PKD1L1: variants seen among roughly 807,000 people sequenced by gnomAD.
The protein encoded by PKD1L1 is polycystin 1 like 1, transient receptor potential channel interacting.
Under a neutral mutation model 323.4 loss-of-function variants are expected in PKD1L1, and 236 were observed. That is an observed-to-expected ratio of 0.73 (90% CI 0.66 to 0.81). The LOEUF (loss-of-function observed/expected upper bound fraction) is 0.81, where lower values mean the gene tolerates loss of function less well. PKD1L1 is among the 40% of genes least tolerant of loss of function. The pLI, the probability that PKD1L1 is intolerant of heterozygous loss-of-function variation, is 0.00. For missense variants in PKD1L1, 3,320 were observed against 3,508.0 expected, an observed-to-expected ratio of 0.95 and a Z score of 1.35; for synonymous variants, 1,344 against 1,335.0, an observed-to-expected ratio of 1.01 and a Z score of -0.15.
intron 56 of PKD1L1, among the ~76,000 whole-genome samples, chr7:47,777,096 T>C (rs1271423939): frequency 2.0e-5 from 3 of 152,206 alleles, no homozygotes; most frequent in African/African-American, 7.2e-5. Flanking sequence ...TTTGCCATGT[T>C]GGCCAGGCCG....
In PKD1L1 at chr7:47,929,329, A is replaced by G; in HGVS notation, c.935T>C (p.Val312Ala). 2 of 1,614,184 alleles carry G rather than the reference A, an allele frequency of 1.2e-6. No individual in the cohort carries two copies. Among genetic ancestry groups the G allele is most frequent in the Non-Finnish European group, 1.7e-6 (2 of 1,180,040 alleles). Residue 312 changes from valine (V) to alanine (A), a missense_variant, in exon 7 of 57, where the codon GTT becomes GCT. Physicochemically the swap from Val to Ala is moderately conservative, Grantham distance 64 (BLOSUM62 0). Coordinates refer to ENST00000289672, the MANE Select transcript of PKD1L1 (RefSeq NM_138295.5). Reference sequence around the variant, plus strand: ...GAGAGCCTCTCCAGAAGCCATATGAACACGGAATCCCAGATTTGGAGGTGC... The same window carrying G: ...GAGAGCCTCTCCAGAAGCCATATGAGCACGGAATCCCAGATTTGGAGGTGC... ...ARAPPNLGFRVHMASGEALCL... is the reference protein window; with the variant it reads ...ARAPPNLGFRAHMASGEALCL...
intron 2 of PKD1L1, among the ~76,000 whole-genome samples, chr7:47,942,504 T>C (rs1431724416): frequency 6.6e-6 from 1 of 152,104 alleles, no homozygotes; most frequent in Non-Finnish European, 1.5e-5. Flanking sequence ...TTTTTAAATT[T>C]AATTTTAAAA....
In PKD1L1 at chr7:47,843,187, GAT is replaced by G. The variant is rs1785598110; in HGVS notation, c.5238-20_5238-19del. On this transcript the variant is annotated intron_variant, in intron 33 of 56. Transcript: ENST00000289672. ...CTGGGTGGCTATAAACAAAAGGAGA[GAT>G]ATAAAGAAAATTGCTCATGAAAATA... 6.4e-7 allele frequency: 1 copy of G among 1,573,834 alleles called. No homozygotes were observed. The highest frequency in any genetic ancestry group is 1.4e-5 in the African/African-American group (1 of 73,038).
upstream of PKD1L1, among the ~76,000 whole-genome samples, chr7:47,950,703 T>C (rs896779258): frequency 6.8e-6 from 1 of 146,670 alleles, no homozygotes; most frequent in African/African-American, 2.6e-5. Context: ...AGCGAAACTC[T>C]TGTCTCAAAA....
At position 47,929,332 on chromosome 7, in the gene PKD1L1, C is replaced by T. The variant is rs571084843; in HGVS notation, c.932G>A (p.Arg311His). 78 of 1,614,148 alleles carry T rather than the reference C, an allele frequency of 4.8e-5. No individual in the cohort carries two copies. The highest frequency in any genetic ancestry group is 2.2e-4 in the South Asian group (20 of 91,076). Residue 311 changes from arginine (R) to histidine (H), a missense_variant, in exon 7 of 57, where the codon CGT becomes CAT. Transcript: ENST00000289672. ...AGCCTCTCCAGAAGCCATATGAACA[C>T]GGAATCCCAGATTTGGAGGTGCCCG... The part of the protein sequence containing the change: ...EARAPPNLGF[R>H]VHMASGEALC...
chr7:47,850,714 C>T (rs1043630546), intron 31 of PKD1L1, among the ~76,000 whole-genome samples: 28 of 146,258 alleles, frequency 1.9e-4, no homozygotes, highest in African/African-American at 6.9e-4. Flanking sequence ...GTATATAAAA[C>T]GTATAGCAAA....
intron 14 of PKD1L1, among the ~76,000 whole-genome samples, chr7:47,896,573 A>G (rs1185104944): frequency 6.6e-6 from 1 of 151,944 alleles, no homozygotes; most frequent in African/African-American, 2.4e-5. Flanking sequence ...TTTTTAGTTT[A>G]CAGGCTCTAT....
chr7:47,842,849 G>C lies in PKD1L1; in HGVS notation c.5445+113C>G, dbSNP rs925255282. On this transcript the variant is annotated intron_variant, in intron 34 of 56. Transcript: ENST00000289672. Reference sequence around the variant, plus strand: ...CGGGCAAGCTTTGCCTCAGCAATGAGATGAGGCTGCTGTGACAGGTGACAG... The same window carrying C: ...CGGGCAAGCTTTGCCTCAGCAATGACATGAGGCTGCTGTGACAGGTGACAG... 9.9e-6 allele frequency: 10 copies of C among 1,011,480 alleles called. 1 individual carries two copies. In the African/African-American group the frequency reaches 1.5e-4, roughly 15 times the overall value. 62.7% of individuals were successfully genotyped at this position (1,011,480 alleles called of 1,614,324 possible).
intron 51 of PKD1L1, 127 bp from the exon 52 acceptor site, chr7:47,808,514 G>T: frequency 8.8e-7 from 1 of 1,138,314 alleles, no homozygotes; most frequent in Non-Finnish European, 1.3e-6. Context: ...TCTGAGAAAT[G>T]CATCGCTGGG....
In PKD1L1 at chr7:47,800,866, A is replaced by T; in HGVS notation, c.7976T>A (p.Leu2659Gln). 6.2e-7 allele frequency: 1 copy of T among 1,613,986 alleles called. No homozygotes were observed. Among genetic ancestry groups the T allele is most frequent in the Non-Finnish European group, 8.5e-7 (1 of 1,179,940 alleles). Reference sequence around the variant, plus strand: ...CAGGTGGGAGAGGGCGGCCAGCATCAGTGCCCCCACCAGCTGCAGAAAGAA... The same window carrying T: ...CAGGTGGGAGAGGGCGGCCAGCATCTGTGCCCCCACCAGCTGCAGAAAGAA... ...SIFVAGLVGA[L>Q]MLAALSHLHR... The change falls in exon 54 of 57, where the codon CTG becomes CAG. Residue 2659 changes from leucine (L) to glutamine (Q), a missense_variant. Physicochemically the swap from Leu to Gln is moderately radical, Grantham distance 113. Coordinates refer to ENST00000289672, the MANE Select transcript of PKD1L1 (RefSeq NM_138295.5).
At chr7:47,813,838 G>T in intron 48 of PKD1L1, 93 bp downstream of exon 48, 1 of 1,104,042 alleles carries the variant, frequency 9.1e-7, no homozygotes, top group Non-Finnish European at 1.4e-6. Flanking sequence ...TCACAGAGAA[G>T]TTCAAATGAT....
intron 28 of PKD1L1, among the ~76,000 whole-genome samples, chr7:47,855,579 G>A (rs1785880686): frequency 6.7e-6 from 1 of 150,256 alleles, no homozygotes; most frequent in South Asian, 2.1e-4. Context: ...GTATAGAAAA[G>A]TATATGCAAG....
Position 47,829,583 on chromosome 7 carries a change from C to T in PKD1L1, c.6577G>A (p.Gly2193Ser). 6.2e-7 allele frequency: 1 copy of T among 1,612,430 alleles called. No homozygotes were observed. The highest frequency in any genetic ancestry group is 8.5e-7 in the Non-Finnish European group (1 of 1,179,462). ...QPLMVCLMAL[G>S]FAWKRRADNH... ...TCAGCTCTTCTTTTCCAAGCAAAAC[C>T]CAAGGCCATGAGGCATACCTGGAAG... is the stretch of plus-strand genomic sequence containing the variant. Residue 2193 changes from glycine to serine, a missense_variant, in exon 44 of 57, where the codon GGT becomes AGT. Transcript: ENST00000289672.
chr7:47,848,375 C>T (rs1165186232), intron 31 of PKD1L1, among the ~76,000 whole-genome samples: 1 of 151,972 alleles, frequency 6.6e-6, no homozygotes, highest in Non-Finnish European at 1.5e-5. Context: ...TGAATAAATA[C>T]ATACGGAGTG....
At position 47,922,112 on chromosome 7, in the gene PKD1L1, C is replaced by T. The variant is rs529114185; in HGVS notation, c.1061-6513G>A. Among the ~76,000 whole-genome samples, 20 of 152,334 alleles carry T rather than the reference C, an allele frequency of 1.3e-4. No homozygotes were observed. The Middle Eastern group carries it at 0.01, about 78-fold the overall frequency. On this transcript the variant is annotated intron_variant, in intron 7 of 56. Transcript: ENST00000289672. Reference sequence around the variant, plus strand: ...ATTTTTTGGTGGAGACGGGGTTTTGCCGTGTTGGCCGGGCTGGTCTCCAGC... The same window carrying T: ...ATTTTTTGGTGGAGACGGGGTTTTGTCGTGTTGGCCGGGCTGGTCTCCAGC...
chr7:47,864,616 C>CTTTCT (rs1554404329), intron 26 of PKD1L1, among the ~76,000 whole-genome samples: 69 of 139,940 alleles, frequency 4.9e-4, no homozygotes, highest in Middle Eastern at 3.5e-3. Flanking sequence ...TTCTTTCTTT[C>CTTTCT]TTTCTTTCTT....
At position 47,947,949 on chromosome 7, in the gene PKD1L1, C is replaced by G. The variant is rs182018076; in HGVS notation, c.44+448G>C. ...CACCTCTGCACTCGAGCCTGGGCAACAGAGAGAGACTCCGTCTCAAAAAAA... is the reference window on the plus strand; with the variant it reads ...CACCTCTGCACTCGAGCCTGGGCAAGAGAGAGAGACTCCGTCTCAAAAAAA... On this transcript the variant is annotated intron_variant, in intron 1 of 56. Coordinates refer to ENST00000289672, the MANE Select transcript of PKD1L1 (RefSeq NM_138295.5). Among the ~76,000 whole-genome samples, 453 of 152,192 alleles carry G rather than the reference C, an allele frequency of 3.0e-3. 5 individuals carry two copies. The highest frequency in any genetic ancestry group is 0.01 in the African/African-American group (416 of 41,510).
At chr7:47,883,146 G>T (rs573893501) in intron 19 of PKD1L1, among the ~76,000 whole-genome samples, 2 of 152,200 alleles carry the variant, frequency 1.3e-5, no homozygotes, top group South Asian at 2.1e-4. Context: ...ACAGATCTGC[G>T]TGTGTACTGT....
chr7:47,844,052 C>G (rs1051823659), intron 33 of PKD1L1, among the ~76,000 whole-genome samples: 1 of 152,084 alleles, frequency 6.6e-6, no homozygotes, highest in Non-Finnish European at 1.5e-5. Flanking sequence ...GCCAGATAGC[C>G]CCTGTAGAAC....
Sources: gnomAD v4.1 joint callset for allele counts (sites outside exome capture counted in the v4.1 genomes callset) on GRCh38, gnomAD v4.1.1 for gene constraint, MANE v1.5 for transcripts, NCBI Gene and HGNC (gene_info 2026-07-23, HGNC 2026-07-21) for gene names.